SLF1: variants seen among roughly 807,000 people sequenced by gnomAD.
SLF1 encodes SMC5-SMC6 complex localization factor protein 1.
SLF1 carries 105 observed loss-of-function variants against 123.0 expected under a neutral mutation model. That is an observed-to-expected ratio of 0.85 (90% CI 0.73 to 1.00). SLF1 has a LOEUF of 1.00. Among genes scored for constraint, SLF1 ranks in the 50% least tolerant of loss-of-function variants. The pLI is 0.00. For synonymous variants in SLF1, 434 were observed against 406.6 expected, an observed-to-expected ratio of 1.07 and a Z score of -0.81; for missense variants, 1,239 against 1,223.0, an observed-to-expected ratio of 1.01 and a Z score of -0.20.
At chr5:94,688,838 G>C (rs903883489) in intron 17 of SLF1, among the ~76,000 whole-genome samples, 169 bp downstream of exon 17, 2 of 152,066 alleles carry the variant, frequency 1.3e-5, no homozygotes, top group Admixed American at 1.3e-4. Flanking sequence ...GTAATTCAAG[G>C]TACATGCTTT....
chr5:94,647,261 G>T (rs1377593264), intron 5 of SLF1, among the ~76,000 whole-genome samples: 3 of 152,094 alleles, frequency 2.0e-5, no homozygotes, highest in Non-Finnish European at 4.4e-5. Flanking sequence ...TAAGCATCAG[G>T]GTATAAGTAC....
chr5:94,692,174 T>C lies in SLF1; in HGVS notation c.2613T>C (p.Thr871=). ...LQRCPEVDLL[T]QVDGVTPLHD... is the part of the protein sequence containing the mutation. ...GTTGTCCAGAGGTAGATCTGCTCACTCAAGTGGACGGGGTGACTCCTTTGC... is the reference window on the plus strand; with the variant it reads ...GTTGTCCAGAGGTAGATCTGCTCACCCAAGTGGACGGGGTGACTCCTTTGC... Residue 871 remains threonine (T), a synonymous_variant, in exon 20 of 21, where the codon ACT becomes ACC. Transcript: ENST00000265140. 1 of 1,613,880 alleles carries C rather than the reference T, an allele frequency of 6.2e-7. No individual in the cohort carries two copies. The highest frequency in any genetic ancestry group is 8.5e-7 in the Non-Finnish European group (1 of 1,179,842).
In SLF1 at chr5:94,678,975, GT is replaced by G. The variant is rs568681181; in HGVS notation, c.1975+27del. 6 of 1,605,648 alleles carry G rather than the reference GT, an allele frequency of 3.7e-6. No homozygotes were observed. Among genetic ancestry groups the G allele is most frequent in the Non-Finnish European group, 3.4e-6 (4 of 1,175,628 alleles). On this transcript the variant is annotated intron_variant, in intron 15 of 20. Coordinates refer to ENST00000265140, the MANE Select transcript of SLF1 (RefSeq NM_032290.4). The stretch of plus-strand genomic sequence containing the variant: ...GTGATGGTAAGTTTGTCTATGTTCT[GT>G]TTTTTTCAGACCCATTCTGGAAATT...
chr5:94,691,434 C>A, intron 18 of SLF1, 130 bp from the exon 19 acceptor site: 4 of 347,022 alleles, frequency 1.2e-5, no homozygotes, highest in Non-Finnish European at 2.0e-5. Flanking sequence ...GATGTTTAAA[C>A]CAGTCAAAAG....
intron 11 of SLF1, 97 bp downstream of exon 11, chr5:94,664,005 G>A (rs1749444252): frequency 5.7e-6 from 7 of 1,238,550 alleles, no homozygotes; most frequent in East Asian, 2.8e-5. Flanking sequence ...TATTTTCCCT[G>A]TTCAGTGTTT....
chr5:94,657,922 A>G (rs2152482615), intron 9 of SLF1, among the ~76,000 whole-genome samples: 1 of 152,028 alleles, frequency 6.6e-6, no homozygotes, highest in East Asian at 1.9e-4. Flanking sequence ...CTTCACTTTC[A>G]GTCTTTACAT....
intron 5 of SLF1, among the ~76,000 whole-genome samples, chr5:94,648,966 A>G (rs1399481549): frequency 6.6e-6 from 1 of 152,222 alleles, no homozygotes; most frequent in African/African-American, 2.4e-5. Context: ...TGTTTGAGAT[A>G]GAGCTACATT....
At chr5:94,622,974 C>G (rs2152461669) in intron 1 of SLF1, among the ~76,000 whole-genome samples, 1 of 152,244 alleles carries the variant, frequency 6.6e-6, no homozygotes, top group Admixed American at 6.5e-5. Flanking sequence ...GCTCTTTCAT[C>G]TTGCCTCTCA....
intron 1 of SLF1, among the ~76,000 whole-genome samples, chr5:94,621,278 C>T (rs896027173): frequency 6.6e-6 from 1 of 152,150 alleles, no homozygotes; most frequent in African/African-American, 2.4e-5. Context: ...TGCAGAAAGA[C>T]TTATATGTGC....
rs1231012266 is a variant in SLF1, at chr5:94,694,327, A to G, written c.2696-504A>G. 2.0e-5 allele frequency among the ~76,000 whole-genome samples: 3 copies of G among 151,954 alleles called. No homozygotes were observed. In the East Asian group the frequency reaches 5.8e-4, roughly 29 times the overall value. ...TGTGAACCAGTTACCTGTACTAAAC[A>G]TTGAACACAAGCAAGGGTAATATGA... is the stretch of plus-strand genomic sequence containing the variant. On this transcript the variant is annotated intron_variant, in intron 20 of 20. Transcript: ENST00000265140.
intron 9 of SLF1, among the ~76,000 whole-genome samples, chr5:94,661,539 G>GTTTTTTTT (rs202036711): frequency 7.1e-6 from 1 of 141,248 alleles, no homozygotes; most frequent in African/African-American, 2.6e-5. Flanking sequence ...TTGTTTTTTT[G>GTTTTTTTT]TTTTTTTTTT....
chr5:94,650,990 A>G (rs1244993044), intron 6 of SLF1, among the ~76,000 whole-genome samples: 1 of 152,250 alleles, frequency 6.6e-6, no homozygotes, highest in Non-Finnish European at 1.5e-5. Flanking sequence ...ATCTACAGTC[A>G]TGTACACATA....
intron 12 of SLF1, among the ~76,000 whole-genome samples, chr5:94,666,760 C>T (rs1749805924): frequency 6.6e-6 from 1 of 152,158 alleles, no homozygotes; most frequent in Non-Finnish European, 1.5e-5. Flanking sequence ...CCTTAGCCTT[C>T]CAAGTAGCTA....
intron 16 of SLF1, among the ~76,000 whole-genome samples, chr5:94,687,807 C>T (rs921201100): frequency 1.3e-5 from 2 of 152,006 alleles, no homozygotes; most frequent in Admixed American, 1.3e-4. Context: ...TCCTTGTTTC[C>T]TAATAAAATT....
chr5:94,669,554 TCAGA>T (rs1750199551), intron 12 of SLF1, among the ~76,000 whole-genome samples: 1 of 152,092 alleles, frequency 6.6e-6, no homozygotes, highest in Non-Finnish European at 1.5e-5. Flanking sequence ...TAAATTTTAT[TCAGA>T]CAAAGTAATT....
At chr5:94,686,759 G>C in intron 16 of SLF1, 41 bp downstream of exon 16, 1 of 1,555,430 alleles carries the variant, frequency 6.4e-7, no homozygotes, top group Non-Finnish European at 8.7e-7. Context: ...TTTTCAAGAA[G>C]TGAGTTCACA....
At chr5:94,649,769 C>T (rs1747463733) in intron 6 of SLF1, among the ~76,000 whole-genome samples, 172 bp downstream of exon 6, 1 of 152,158 alleles carries the variant, frequency 6.6e-6, no homozygotes, top group Non-Finnish European at 1.5e-5. Flanking sequence ...TCTCTGGGAA[C>T]TCTTGTTGAA....
rs1224171892 is a variant in SLF1, at chr5:94,678,969, T to C, written c.1975+14T>C. ...TTTCGTGTGATGGTAAGTTTGTCTATGTTCTGTTTTTTTCAGACCCATTCT... is the reference window on the plus strand; with the variant it reads ...TTTCGTGTGATGGTAAGTTTGTCTACGTTCTGTTTTTTTCAGACCCATTCT... On this transcript the variant is annotated intron_variant, in intron 15 of 20. Coordinates refer to ENST00000265140, the MANE Select transcript of SLF1 (RefSeq NM_032290.4). The C allele has an allele frequency of 6.2e-7, 1 of 1,610,624 alleles. No individual in the cohort carries two copies. Among genetic ancestry groups the C allele is most frequent in the Non-Finnish European group, 8.5e-7 (1 of 1,178,310 alleles).
intron 15 of SLF1, among the ~76,000 whole-genome samples, chr5:94,685,976 ATGTTTTTCTTCTTTACCTTGTGCCTTTCT>A (rs1286038177): frequency 5.4e-4 from 82 of 151,904 alleles, no homozygotes; most frequent in African/African-American, 1.8e-3. Flanking sequence ...TGCTCGTTTC[ATGTTTTTCTTCTTTACCTTGTGCCTTTCT>A]TGTTTTTCTT....
Sources: allele counts gnomAD v4.1 joint callset (sites outside exome capture counted in the v4.1 genomes callset), GRCh38; gene constraint gnomAD v4.1.1; transcripts MANE v1.5; gene names NCBI Gene and HGNC (gene_info 2026-07-23, HGNC 2026-07-21).